Variants in SMUG1 observed in about 807,000 individuals in gnomAD.
The protein encoded by SMUG1 is single-strand-selective monofunctional uracil-DNA glycosylase 1.
A neutral mutation model predicts 23.9 loss-of-function variants in SMUG1; 13 were observed. The ratio of observed to expected loss-of-function variants is 0.54; its 90% CI spans 0.35 to 0.86. SMUG1 has a LOEUF of 0.86. Among genes scored for constraint, SMUG1 ranks in the 40% least tolerant of loss-of-function variants. SMUG1 has a pLI of 0.01. For synonymous variants in SMUG1, 133 were observed against 139.8 expected (o/e 0.95, Z 0.34); for missense variants, 313 against 339.5 (o/e 0.92, Z 0.61).
chr12:54,186,959 T>C (rs1368346833), intron 2 of SMUG1: 5 of 152,278 alleles, frequency 3.3e-5, no homozygotes, highest in African/African-American at 7.2e-5. Context: ...GGCAGAAGAA[T>C]TGCTTGAGGC....
chr12:54,170,026 C>A (rs895523668), intron 3 of SMUG1, among the ~76,000 whole-genome samples: 3 of 152,074 alleles, frequency 2.0e-5, no homozygotes, highest in South Asian at 2.1e-4. Flanking sequence ...TGGAGAAACC[C>A]CGTCTCTACT....
In SMUG1 at chr12:54,173,650, G is replaced by A. The variant is rs1478822231; in HGVS notation, c.399-1541C>T. Among the ~76,000 whole-genome samples, 3 of 152,232 alleles carry A rather than the reference G, an allele frequency of 2.0e-5. No homozygotes were observed. The East Asian group carries it at 5.8e-4, about 29-fold the overall frequency. On this transcript the variant is annotated intron_variant and NMD_transcript_variant, in intron 2 of 4. Transcript: ENST00000509864. Reference sequence around the variant, plus strand: ...ATTTAATTGGATTGCGGAGGAGCTGGGGGCCAGAGCGGCCGCCCGCCCCCG... The same window carrying A: ...ATTTAATTGGATTGCGGAGGAGCTGAGGGCCAGAGCGGCCGCCCGCCCCCG...
chr12:54,180,987 CAAA>C lies in SMUG1; in HGVS notation c.*1106_*1108del, dbSNP rs59918785. The stretch of plus-strand genomic sequence containing the variant: ...TGGGCAACAGCATGAGACTCCATCT[CAAA>C]AAAAAAAAAAAAAGAGAGATCTACT... On this transcript the variant is annotated 3_prime_UTR_variant, in exon 4 of 4. Coordinates refer to ENST00000682136, the MANE Select transcript of SMUG1 (RefSeq NM_001243787.2). The C allele has an allele frequency of 6.7e-5, 7 of 103,808 alleles. No individual in the cohort carries two copies. The highest frequency in any genetic ancestry group is 1.1e-4 in the Admixed American group (1 of 9,116). The allele number at this position is 103,808 out of a possible 1,614,324, so 6.4% of individuals were successfully genotyped here. A position where few individuals can be genotyped will look rare whatever the true frequency, so the allele number is the denominator to read the frequency against.
At chr12:54,170,606 G>GT (rs970968492) in intron 3 of SMUG1, among the ~76,000 whole-genome samples, 16 of 151,140 alleles carry the variant, frequency 1.1e-4, no homozygotes, top group Non-Finnish European at 1.9e-4. Context: ...TTTAGTTTTT[G>GT]TTTTTTTTGT....
chr12:54,173,074 C>T (rs1293023395), intron 2 of SMUG1: 1 of 153,156 alleles, frequency 6.5e-6, no homozygotes, highest in Non-Finnish European at 1.5e-5. Flanking sequence ...GACAAGAAGA[C>T]GGGAGCAAAG....
intron 2 of SMUG1, chr12:54,175,218 C>T (rs930080106): frequency 1.3e-5 from 2 of 152,210 alleles, no homozygotes; most frequent in Non-Finnish European, 2.9e-5. Context: ...TCTTCCATTC[C>T]ATCACTAGCT....
intron 2 of SMUG1, among the ~76,000 whole-genome samples, chr12:54,174,043 C>T (rs1244842862): frequency 6.6e-6 from 1 of 152,076 alleles, no homozygotes; most frequent in Non-Finnish European, 1.5e-5. Context: ...CAGTGGACTC[C>T]CACTCTAGGG....
downstream of SMUG1, among the ~76,000 whole-genome samples, chr12:54,160,630 C>G (rs908880170): frequency 1.3e-5 from 2 of 152,206 alleles, no homozygotes; most frequent in African/African-American, 4.8e-5. Flanking sequence ...TCTCCTTCCA[C>G]GAAGCCCAAA....
Position 54,159,509 on chromosome 12 carries a change from A to T in SMUG1, n.687+5865T>A, listed in dbSNP as rs528365077. Among the ~76,000 whole-genome samples, 118 of 151,958 alleles carry T rather than the reference A, an allele frequency of 7.8e-4. 1 individual carries two copies. The highest frequency in any genetic ancestry group is 1.2e-3 in the Non-Finnish European group (83 of 67,940). On this transcript the variant is annotated intron_variant and non_coding_transcript_variant, in intron 4 of 5. Transcript: ENST00000634429. ...TCTCTCCACCTGCCCCCAGTTCCCA[A>T]CTGAGGTCCTACCTGCCACTCTGGC...
Position 54,183,705 on chromosome 12 carries a change from A to T in SMUG1, c.236T>A (p.Val79Glu). The change falls in exon 3 of 4, where the codon GTA becomes GAA. Residue 79 changes from valine to glutamate, a missense_variant. Transcript: ENST00000682136. ...TCCAGGGTTCATGCCCAGGAAGAGT[A>T]CTTCCTTGGGGCCCTGGCAGTAGCG... ...VTRYCQGPKE[V>E]LFLGMNPGPF... The T allele has an allele frequency of 1.9e-6, 3 of 1,611,448 alleles. No homozygotes were observed. Among genetic ancestry groups the T allele is most frequent in the Non-Finnish European group, 2.5e-6 (3 of 1,177,666 alleles).
In SMUG1 at chr12:54,182,299, G is replaced by A. The variant is rs1257392939; in HGVS notation, c.610C>T (p.Leu204=). 1.9e-6 allele frequency: 3 copies of A among 1,613,434 alleles called. No homozygotes were observed. The highest frequency in any genetic ancestry group is 3.3e-5 in the Admixed American group (2 of 59,994). Residue 204 remains leucine (L), a synonymous_variant, in exon 4 of 4, where the codon CTG becomes TTG. Transcript: ENST00000682136. The stretch of plus-strand genomic sequence containing the variant: ...CCCACCACCAGCCGCACCCCCAGCA[G>A]CTGCACCTGCCGGCAGAGGGCTGCA... ...CDAALCRQVQ[L]LGVRLVVGVG...
At chr12:54,185,496 AT>A (rs58057609) in intron 2 of SMUG1, among the ~76,000 whole-genome samples, 15,326 of 98,082 alleles carry the variant, frequency 0.16, 4,450 homozygotes, top group Non-Finnish European at 0.21. Flanking sequence ...AAATAAATAA[AT>A]AAATAAATAA....
intron 3 of SMUG1, among the ~76,000 whole-genome samples, chr12:54,169,481 T>G (rs1940561611): frequency 6.8e-6 from 1 of 146,986 alleles, no homozygotes. Flanking sequence ...CAATAAAAGG[T>G]GATCTGTCTG....
At chr12:54,169,105 C>T (rs1347302411) in intron 3 of SMUG1, among the ~76,000 whole-genome samples, 2 of 152,128 alleles carry the variant, frequency 1.3e-5, no homozygotes, top group Non-Finnish European at 2.9e-5. Context: ...AGACAGGTCA[C>T]ATCTGGGGGG....
Position 54,182,372 on chromosome 12 carries a change from A to G in SMUG1, c.537T>C (p.Pro179=). 1 of 1,614,194 alleles carries G rather than the reference A, an allele frequency of 6.2e-7. No individual in the cohort carries two copies. The highest frequency in any genetic ancestry group is 8.5e-7 in the Non-Finnish European group (1 of 1,180,032). Residue 179 remains proline, a synonymous_variant, in exon 4 of 4, where the codon CCT becomes CCC. Coordinates refer to ENST00000682136, the MANE Select transcript of SMUG1 (RefSeq NM_001243787.2). ...FLAPSGRNLT[P]AELPAKQREQ... ...CTCGCTGCTTGGCAGGCAGCTCAGC[A>G]GGAGTAAGGTTGCGCCCGCTGGGAG...
At chr12:54,163,531 G>A (rs757929468), downstream of SMUG1, among the ~76,000 whole-genome samples, 10 of 152,232 alleles carry the variant, frequency 6.6e-5, no homozygotes, top group Non-Finnish European at 1.5e-4. Context: ...CTGGACTTGT[G>A]CAGAGAAAAG....
At chr12:54,184,126 T>C in intron 2 of SMUG1, 167 bp from the exon 3 acceptor site, 1 of 509,706 alleles carries the variant, frequency 2.0e-6, no homozygotes, top group Non-Finnish European at 3.4e-6. Context: ...TCTCAGTTCT[T>C]GGTAATGAAG....
chr12:54,171,162 G>C (rs1940605125), intron 3 of SMUG1, among the ~76,000 whole-genome samples: 1 of 151,582 alleles, frequency 6.6e-6, no homozygotes. Context: ...ACCACATCTG[G>C]CTAATTTTTG....
Position 54,182,212 on chromosome 12 carries a change from G to A in SMUG1, c.697C>T (p.Gln233Ter). Residue 233 changes from glutamine (Q) to a stop codon, truncating the protein, a stop_gained, in exon 4 of 4, where the codon CAG becomes TAG. Transcript: ENST00000682136. LOFTEE classifies it high-confidence loss of function. ...RALAGLMPEV[Q>*]VEGLLHPSPR... is the part of the protein sequence containing the mutation. Reference sequence around the variant, plus strand: ...GAGGGATGCAGGAGCCCTTCCACCTGGACCTCTGGCATCAGGCCTGCCAGA... The same window carrying A: ...GAGGGATGCAGGAGCCCTTCCACCTAGACCTCTGGCATCAGGCCTGCCAGA... 1 of 1,612,086 alleles carries A rather than the reference G, an allele frequency of 6.2e-7. No homozygotes were observed. The highest frequency in any genetic ancestry group is 1.1e-5 in the South Asian group (1 of 90,938).
Sources: gnomAD v4.1 joint callset for allele counts (sites outside exome capture counted in the v4.1 genomes callset) on GRCh38, gnomAD v4.1.1 for gene constraint, MANE v1.5 for transcripts, NCBI Gene and HGNC (gene_info 2026-07-23, HGNC 2026-07-21) for gene names.